The following TRIP12 variants were observed in gnomAD, a reference collection of about 807,000 sequenced individuals.
TRIP12 encodes E3 ubiquitin-protein ligase TRIP12.
A neutral mutation model predicts 244.2 loss-of-function variants in TRIP12; 25 were observed. The ratio of observed to expected loss-of-function variants is 0.10; its 90% CI spans 0.07 to 0.14. The LOEUF is 0.14. Ranked by LOEUF, TRIP12 falls within the 10% of genes least tolerant of loss-of-function variation. The pLI, the probability that TRIP12 is intolerant of heterozygous loss-of-function variation, is 1.00. For synonymous variants in TRIP12, 905 were observed against 873.1 expected (o/e 1.04, Z -0.64); for missense variants, 1,677 against 2,486.4 (o/e 0.67, Z 6.92).
chr2:229,829,788 A>C (rs1364037756), intron 7 of TRIP12, among the ~76,000 whole-genome samples: 1 of 152,140 alleles, frequency 6.6e-6, no homozygotes, highest in Non-Finnish European at 1.5e-5. Context: ...GCCTCTACTA[A>C]AAATACAAAA....
chr2:229,797,368 A>G (rs936845008), intron 24 of TRIP12, among the ~76,000 whole-genome samples: 28 of 152,214 alleles, frequency 1.8e-4, no homozygotes, highest in African/African-American at 6.3e-4. Context: ...AAGGCCTATC[A>G]TCTATACCTA....
intron 1 of TRIP12, among the ~76,000 whole-genome samples, chr2:229,891,412 G>A (rs765608831): frequency 4.9e-4 from 74 of 152,140 alleles, no homozygotes; most frequent in Non-Finnish European, 9.3e-4. Context: ...GCGACAGAGC[G>A]AAACTGTCTC....
chr2:229,807,546 T>C (rs1199789070), intron 17 of TRIP12, 162 bp downstream of exon 17: 1 of 866,748 alleles, frequency 1.2e-6, no homozygotes, highest in Non-Finnish European at 1.9e-6. Context: ...TTTTCTGACC[T>C]GAACAGAAAT....
intron 23 of TRIP12, 98 bp downstream of exon 23, chr2:229,798,777 C>G: frequency 7.8e-7 from 1 of 1,288,542 alleles, no homozygotes. Flanking sequence ...AGTGCTGTGT[C>G]TATGTATCGT....
At chr2:229,769,565 G>GA (rs1357303404) in intron 39 of TRIP12, among the ~76,000 whole-genome samples, 5 of 151,996 alleles carry the variant, frequency 3.3e-5, no homozygotes. Flanking sequence ...TGGTTCCTGA[G>GA]AAACCCTTCC....
intron 1 of TRIP12, among the ~76,000 whole-genome samples, chr2:229,888,432 C>G (rs946414511): frequency 3.3e-5 from 5 of 151,872 alleles, no homozygotes; most frequent in African/African-American, 4.8e-5. Context: ...TTGGGAAATG[C>G]TAAAATCTAA....
At chr2:229,857,513 C>T (rs1576153152) in intron 4 of TRIP12, among the ~76,000 whole-genome samples, 1 of 152,038 alleles carries the variant, frequency 6.6e-6, no homozygotes, top group African/African-American at 2.4e-5. Flanking sequence ...CTTGTAATCT[C>T]AGCTACTCAG....
chr2:229,770,027 G>C (rs1471581042), intron 39 of TRIP12, among the ~76,000 whole-genome samples: 1 of 152,146 alleles, frequency 6.6e-6, no homozygotes, highest in Non-Finnish European at 1.5e-5. Context: ...CTGGAGTGTA[G>C]TGGCCTAATC....
At position 229,860,396 on chromosome 2, in the gene TRIP12, G is replaced by C. The variant is rs372559844; in HGVS notation, c.224+10C>G. The C allele has an allele frequency of 8.0e-5, 127 of 1,591,532 alleles. No homozygotes were observed. The highest frequency in any genetic ancestry group is 1.0e-4 in the Non-Finnish European group (121 of 1,169,704). On this transcript the variant is annotated intron_variant, in intron 3 of 41. Transcript: ENST00000675903. The stretch of plus-strand genomic sequence containing the variant: ...TGCCTTGAAAATGTATAAGCAACAT[G>C]AAGATTTACCTTTTAGAAAGGTGTC...
intron 23 of TRIP12, among the ~76,000 whole-genome samples, 192 bp from the exon 24 acceptor site, chr2:229,798,023 T>C (rs2154265469): frequency 6.6e-6 from 1 of 152,358 alleles, no homozygotes. Flanking sequence ...GAGAACTGTT[T>C]AAAAACTTAA....
At chr2:229,911,583 T>C (rs1043843383) in intron 1 of TRIP12, among the ~76,000 whole-genome samples, 7 of 152,302 alleles carry the variant, frequency 4.6e-5, no homozygotes, top group African/African-American at 1.2e-4. Context: ...AGGGAAGATA[T>C]TGAATGTCCC....
chr2:229,887,635 G>A (rs904426324), intron 1 of TRIP12, among the ~76,000 whole-genome samples: 6 of 152,162 alleles, frequency 3.9e-5, no homozygotes, highest in South Asian at 2.1e-4. Context: ...TAAGACTGTG[G>A]TTCTCAGACT....
At chr2:229,810,737 T>TTATTACATATTAACA in intron 15 of TRIP12, 143 bp downstream of exon 15, 1 of 784,950 alleles carries the variant, frequency 1.3e-6, no homozygotes, top group Non-Finnish European at 2.0e-6. Flanking sequence ...CAACACAAAT[T>TTATTACATATTAACA]TATTACATAT....
At chr2:229,860,271 A>G (rs1209763783) in intron 3 of TRIP12, 135 bp downstream of exon 3, 17 of 1,120,368 alleles carry the variant, frequency 1.5e-5, no homozygotes, top group Non-Finnish European at 2.0e-5. Flanking sequence ...TAAACTGTCA[A>G]TCCTAAAAGT....
chr2:229,819,085 C>CACACACACACACACAA (rs1553640456), intron 8 of TRIP12, among the ~76,000 whole-genome samples: 1 of 109,574 alleles, frequency 9.1e-6, no homozygotes, highest in African/African-American at 2.7e-5. Context: ...CACACACACA[C>CACACACACACACACAA]AATTATAAAC....
At position 229,856,576 on chromosome 2, in the gene TRIP12, A is replaced by C. The variant is rs537664113; in HGVS notation, c.1027+2196T>G. ...GCCTGGCCCTAGAACCCTCCTACACATAAGAGATGAGTTCTTCAAGTGAGG... is the reference window on the plus strand; with the variant it reads ...GCCTGGCCCTAGAACCCTCCTACACCTAAGAGATGAGTTCTTCAAGTGAGG... On this transcript the variant is annotated intron_variant, in intron 4 of 41. Coordinates refer to ENST00000675903, the MANE Select transcript of TRIP12 (RefSeq NM_001348323.3). 5.3e-5 allele frequency among the ~76,000 whole-genome samples: 8 copies of C among 152,338 alleles called. No homozygotes were observed. In the South Asian group the frequency reaches 1.7e-3, roughly 32 times the overall value.
rs553528810 is a variant in TRIP12, at chr2:229,765,691, G to A, written c.*1863C>T. 6.6e-6 allele frequency: 1 copy of A among 152,280 alleles called. No individual in the cohort carries two copies. The highest frequency in any genetic ancestry group is 6.5e-5 in the Admixed American group (1 of 15,296). 9.4% of individuals were successfully genotyped at this position (152,280 alleles called of 1,614,324 possible). The stretch of plus-strand genomic sequence containing the variant: ...ATGCTATGTTCACACAAAAATCCTT[G>A]TGCTTAATTTGCAGGAAGATATCAG... On this transcript the variant is annotated 3_prime_UTR_variant, in exon 42 of 42. Transcript: ENST00000675903.
At chr2:229,799,587 T>C (rs1008198445) in intron 21 of TRIP12, among the ~76,000 whole-genome samples, 2 of 151,890 alleles carry the variant, frequency 1.3e-5, no homozygotes, top group South Asian at 2.1e-4. Context: ...CCATCCTGGC[T>C]AACATGGTGA....
intron 1 of TRIP12, among the ~76,000 whole-genome samples, chr2:229,910,332 T>C (rs894332564): frequency 1.3e-5 from 2 of 152,210 alleles, no homozygotes; most frequent in Non-Finnish European, 2.9e-5. Context: ...TGAATCACCT[T>C]CATTTTCTTT....
Sources: allele counts gnomAD v4.1 joint callset (sites outside exome capture counted in the v4.1 genomes callset), GRCh38; gene constraint gnomAD v4.1.1; transcripts MANE v1.5; gene names NCBI Gene and HGNC (gene_info 2026-07-23, HGNC 2026-07-21).